SH2B3: variants seen among roughly 807,000 people sequenced by gnomAD.
SH2B3 encodes SH2B adapter protein 3.
Under a neutral mutation model 51.9 loss-of-function variants are expected in SH2B3, and 43 were observed. The observed-to-expected ratio is 0.83, with a 90% CI of 0.65 to 1.07. The LOEUF (loss-of-function observed/expected upper bound fraction) is 1.07, where lower values mean the gene tolerates loss of function less well. SH2B3 is among the 50% of genes least tolerant of loss of function. The probability of loss-of-function intolerance (pLI) is 0.00; values close to 1 mark genes in which losing one functional copy is unlikely to be tolerated. For missense variants in SH2B3, 952 were observed against 834.3 expected (o/e 1.14, Z -1.74); for synonymous variants, 396 against 376.0 (o/e 1.05, Z -0.62).
intron 2 of SH2B3, among the ~76,000 whole-genome samples, chr12:111,426,394 T>G (rs910619532): frequency 6.6e-5 from 10 of 151,076 alleles, no homozygotes; most frequent in African/African-American, 2.4e-4. Flanking sequence ...TCTTTTTTTT[T>G]TTTTTTTTGT....
chr12:111,442,203 T>C (rs1873480008), intron 2 of SH2B3, among the ~76,000 whole-genome samples: 1 of 152,210 alleles, frequency 6.6e-6, no homozygotes, highest in Non-Finnish European at 1.5e-5. Context: ...TGGAATTTGC[T>C]CTGCGCCTTT....
At position 111,438,209 on chromosome 12, in the gene SH2B3, G is replaced by C. The variant is rs1593064892; in HGVS notation, c.733-8544G>C. Among the ~76,000 whole-genome samples, 1 of 152,254 alleles carries C rather than the reference G, an allele frequency of 6.6e-6. No individual in the cohort carries two copies. The highest frequency in any genetic ancestry group is 1.9e-4 in the East Asian group (1 of 5,168). On this transcript the variant is annotated intron_variant, in intron 2 of 7. Transcript: ENST00000341259. This position sits in a 1 kb window ranked among gnomAD's most constrained non-coding sequence, Gnocchi z 4.2. ...CGGGAAGGCGGCTGGAGGGAGACCA[G>C]GTGTTGGGGGTGCTGGGGCTGGGGG...
rs1210043903 is a variant in SH2B3, at chr12:111,438,214, TG to T, written c.733-8534del. Among the ~76,000 whole-genome samples, 2 of 139,244 alleles carry T rather than the reference TG, an allele frequency of 1.4e-5. No homozygotes were observed. The highest frequency in any genetic ancestry group is 2.1e-4 in the East Asian group (1 of 4,866). 91.3% of individuals were successfully genotyped at this position (139,244 alleles called of 152,430 possible). A position where few individuals can be genotyped will look rare whatever the true frequency, so the allele number is the denominator to read the frequency against. ...AGGCGGCTGGAGGGAGACCAGGTGT[TG>T]GGGGTGCTGGGGCTGGGGGTGGGCA... On this transcript the variant is annotated intron_variant, in intron 2 of 7. Coordinates refer to ENST00000341259, the MANE Select transcript of SH2B3 (RefSeq NM_005475.3). The surrounding 1 kb of genome is among the most constrained non-coding windows in gnomAD (Gnocchi z 4.2).
Position 111,407,371 on chromosome 12 carries a change from TCGC to T in SH2B3, c.-28+1097_-28+1099del, listed in dbSNP as rs1224116813. On this transcript the variant is annotated intron_variant, in intron 1 of 7. Coordinates refer to ENST00000341259, the MANE Select transcript of SH2B3 (RefSeq NM_005475.3). This position sits in a 1 kb window ranked among gnomAD's most constrained non-coding sequence, Gnocchi z 4.3. ...GGACCGAGATCTGACCCGCAGCCCC[TCGC>T]CGGGGAGATGACAGTTCCCTAACAC... is the stretch of plus-strand genomic sequence containing the variant. Among the ~76,000 whole-genome samples the T allele has an allele frequency of 1.3e-5, 2 of 152,158 alleles. No individual in the cohort carries two copies. Among genetic ancestry groups the T allele is most frequent in the African/African-American group, 4.8e-5 (2 of 41,422 alleles).
chr12:111,420,924 A>T (rs930247108), intron 2 of SH2B3, among the ~76,000 whole-genome samples: 2 of 152,208 alleles, frequency 1.3e-5, no homozygotes, highest in Non-Finnish European at 1.5e-5. Context: ...GTGGCGTAAC[A>T]TGCAGACCTG....
rs983185761 is a variant in SH2B3, at chr12:111,418,987, A to T, written c.732+110A>T. ...ATGGCTTTCCAGCTGGTGGCCACAGAGTGTCCAGAGGGAACTAGGCCCTCT... is the reference window on the plus strand; with the variant it reads ...ATGGCTTTCCAGCTGGTGGCCACAGTGTGTCCAGAGGGAACTAGGCCCTCT... On this transcript the variant is annotated intron_variant, in intron 2 of 7. Coordinates refer to ENST00000341259, the MANE Select transcript of SH2B3 (RefSeq NM_005475.3). This position sits in a 1 kb window ranked among gnomAD's most constrained non-coding sequence, Gnocchi z 6.7. 34 of 1,074,560 alleles carry T rather than the reference A, an allele frequency of 3.2e-5. 1 individual carries two copies. In the South Asian group the frequency reaches 5.7e-4, roughly 18 times the overall value. 66.6% of individuals were successfully genotyped at this position (1,074,560 alleles called of 1,614,324 possible).
chr12:111,437,648 T>C (rs1873001375), intron 2 of SH2B3, among the ~76,000 whole-genome samples: 1 of 152,116 alleles, frequency 6.6e-6, no homozygotes, highest in African/African-American at 2.4e-5. Context: ...GGGCCAGGCT[T>C]GGGGTCCTGG....
intron 1 of SH2B3, among the ~76,000 whole-genome samples, chr12:111,413,216 A>C (rs933696232): frequency 1.3e-5 from 2 of 152,190 alleles, no homozygotes; most frequent in Admixed American, 1.3e-4. Context: ...GGAAGAGGTA[A>C]TATTTTGTAA....
At position 111,418,583 on chromosome 12, in the gene SH2B3, CCGCCGCCGCTCGGCCGGGGAGCTGCCAG is replaced by C; in HGVS notation, c.441_468del (p.Arg148ProfsTer40). The C allele has an allele frequency of 6.7e-7, 1 of 1,486,608 alleles. No homozygotes were observed. Among genetic ancestry groups the C allele is most frequent in the Non-Finnish European group, 8.9e-7 (1 of 1,125,442 alleles). 92.1% of individuals were successfully genotyped at this position (1,486,608 alleles called of 1,614,324 possible). Reference sequence around the variant, plus strand: ...TTCGCCGCAGCCTCCGCCACATCTTCCGCCGCCGCTCGGCCGGGGAGCTGCCAGCGGCCCACACCGCTGCCGCCCCCGG... The same window carrying C: ...TTCGCCGCAGCCTCCGCCACATCTTCCGGCCCACACCGCTGCCGCCCCCGG... On this transcript the variant is annotated frameshift_variant, in exon 2 of 8. Coordinates refer to ENST00000341259, the MANE Select transcript of SH2B3 (RefSeq NM_005475.3). LOFTEE classifies it high-confidence loss of function. The surrounding 1 kb of genome is among the most constrained non-coding windows in gnomAD (Gnocchi z 6.7).
chr12:111,421,677 A>G (rs1422338310), intron 2 of SH2B3, among the ~76,000 whole-genome samples: 1 of 152,092 alleles, frequency 6.6e-6, no homozygotes, highest in African/African-American at 2.4e-5. Flanking sequence ...TCGGCCTCCC[A>G]AAGTGCTATG....
At chr12:111,419,023 CTT>C in intron 2 of SH2B3, 146 bp downstream of exon 2, 1 of 760,678 alleles carries the variant, frequency 1.3e-6, no homozygotes, top group Non-Finnish European at 1.9e-6. Context: ...TAAAAAAGAA[CTT>C]TTAGGCCGAG....
intron 1 of SH2B3, among the ~76,000 whole-genome samples, chr12:111,416,111 T>G (rs898829209): frequency 6.6e-6 from 1 of 151,872 alleles, no homozygotes; most frequent in Non-Finnish European, 1.5e-5. Context: ...CCCGCTAATT[T>G]TTTTGTATTT....
Position 111,429,707 on chromosome 12 carries a change from C to G in SH2B3, c.732+10830C>G, listed in dbSNP as rs1310431452. 6.6e-6 allele frequency among the ~76,000 whole-genome samples: 1 copy of G among 152,152 alleles called. No individual in the cohort carries two copies. Among genetic ancestry groups the G allele is most frequent in the Non-Finnish European group, 1.5e-5 (1 of 68,028 alleles). On this transcript the variant is annotated intron_variant, in intron 2 of 7. Coordinates refer to ENST00000341259, the MANE Select transcript of SH2B3 (RefSeq NM_005475.3). The surrounding 1 kb of genome is among the most constrained non-coding windows in gnomAD (Gnocchi z 4.4). ...CCCATGGAATCCTTATCACAAACCC[C>G]GGAGGTGGGGACAGTGATGAAGCCA...
At position 111,450,687 on chromosome 12, in the gene SH2B3, G is replaced by A. The variant is rs1007416242; in HGVS notation, c.*2385G>A. 3 of 152,890 alleles carry A rather than the reference G, an allele frequency of 2.0e-5. No homozygotes were observed. The highest frequency in any genetic ancestry group is 7.2e-5 in the African/African-American group (3 of 41,450). The allele number at this position is 152,890 out of a possible 1,614,324, so 9.5% of individuals were successfully genotyped here. On this transcript the variant is annotated 3_prime_UTR_variant, in exon 8 of 8. Coordinates refer to ENST00000341259, the MANE Select transcript of SH2B3 (RefSeq NM_005475.3). ...CAGATTCTGTGGCAGAGATTTGGAA[G>A]GCACCCACCTCCAGACTGCTTCCCG... is the stretch of plus-strand genomic sequence containing the variant.
chr12:111,417,991 C>T, intron 1 of SH2B3, 128 bp from the exon 2 acceptor site: 2 of 658,796 alleles, frequency 3.0e-6, no homozygotes, highest in South Asian at 4.5e-5. Context: ...TGTTTCCCTG[C>T]ATCTTCACCA....
rs1870351456 is a variant in SH2B3, at chr12:111,407,607, G to T, written c.-28+1330G>T. On this transcript the variant is annotated intron_variant, in intron 1 of 7. Coordinates refer to ENST00000341259, the MANE Select transcript of SH2B3 (RefSeq NM_005475.3). This position sits in a 1 kb window ranked among gnomAD's most constrained non-coding sequence, Gnocchi z 4.3. Reference sequence around the variant, plus strand: ...GCTGGGCTCGGAGGATGAGAGCCAGGGCCTACTGGGGGAAGTTGGAAGGGT... The same window carrying T: ...GCTGGGCTCGGAGGATGAGAGCCAGTGCCTACTGGGGGAAGTTGGAAGGGT... Among the ~76,000 whole-genome samples the T allele has an allele frequency of 6.6e-6, 1 of 152,256 alleles. No individual in the cohort carries two copies. The highest frequency in any genetic ancestry group is 1.5e-5 in the Non-Finnish European group (1 of 68,044).
Position 111,448,930 on chromosome 12 carries a change from T to G in SH2B3, c.*628T>G, listed in dbSNP as rs1476642715. 2 of 153,268 alleles carry G rather than the reference T, an allele frequency of 1.3e-5. No individual in the cohort carries two copies. The highest frequency in any genetic ancestry group is 2.4e-5 in the African/African-American group (1 of 41,470). The allele number at this position is 153,268 out of a possible 1,614,324, so 9.5% of individuals were successfully genotyped here. A position where few individuals can be genotyped will look rare whatever the true frequency, so the allele number is the denominator to read the frequency against. On this transcript the variant is annotated 3_prime_UTR_variant, in exon 8 of 8. Transcript: ENST00000341259. ...GGTTCAAAACTTAACCACTGCTTAT[T>G]TCAGTGCACTGTTTCAACTAACACC...
At chr12:111,413,977 G>T (rs577279923) in intron 1 of SH2B3, among the ~76,000 whole-genome samples, 1 of 152,234 alleles carries the variant, frequency 6.6e-6, no homozygotes, top group Non-Finnish European at 1.5e-5. Context: ...GGCAGCTGGC[G>T]TGACTAGCGG....
Position 111,449,110 on chromosome 12 carries a change from C to CT in SH2B3, c.*811dup, listed in dbSNP as rs1874350157. On this transcript the variant is annotated 3_prime_UTR_variant, in exon 8 of 8. Coordinates refer to ENST00000341259, the MANE Select transcript of SH2B3 (RefSeq NM_005475.3). ...ATGTCAAGAAGTGAAGTATGTCACC[C>CT]TTTCAGGGAAATTCAGGCAATTACT... 6.6e-6 allele frequency: 1 copy of CT among 152,620 alleles called. No individual in the cohort carries two copies. The highest frequency in any genetic ancestry group is 1.5e-5 in the Non-Finnish European group (1 of 68,042). The allele number at this position is 152,620 out of a possible 1,614,324, so 9.5% of individuals were successfully genotyped here.
Sources: allele counts gnomAD v4.1 joint callset (sites outside exome capture counted in the v4.1 genomes callset), GRCh38; gene constraint gnomAD v4.1.1; non-coding constraint Gnocchi (gnomAD v3.1); transcripts MANE v1.5; gene names NCBI Gene and HGNC (gene_info 2026-07-23, HGNC 2026-07-21).